The following COL18A1 variants were observed in gnomAD, a reference collection of about 807,000 sequenced individuals.
COL18A1 encodes the protein collagen alpha-1(XVIII) chain.
In COL18A1, 133 loss-of-function variants were observed where a neutral mutation model predicts 168.0. The observed-to-expected ratio is 0.79, with a 90% CI of 0.69 to 0.91. The LOEUF (loss-of-function observed/expected upper bound fraction) is 0.91. COL18A1 is among the 40% of genes least tolerant of loss of function. The pLI, the probability that COL18A1 is intolerant of heterozygous loss-of-function variation, is 0.00. For synonymous variants in COL18A1, 949 were observed against 809.0 expected, an observed-to-expected ratio of 1.17 and a Z score of -2.94; for missense variants, 2,126 against 1,925.4, an observed-to-expected ratio of 1.10 and a Z score of -1.95.
rs746821245 is a variant in COL18A1, at chr21:45,486,980, C to T, written c.1821C>T (p.Leu607=). The T allele has an allele frequency of 6.6e-6, 10 of 1,519,242 alleles. No individual in the cohort carries two copies. The highest frequency in any genetic ancestry group is 1.3e-5 in the South Asian group (1 of 78,562). 94.1% of individuals were successfully genotyped at this position (1,519,242 alleles called of 1,614,324 possible). Residue 607 remains leucine, a synonymous_variant, in exon 16 of 42, where the codon CTC becomes CTT. Transcript: ENST00000651438. ...CCCCTGGGCCCCCAGGACCAGGACT[C>T]CCCGCTGGATTTGTGAGTACCGCCT... ...PGPPGPPGPG[L]PAGFDDMEGS...
chr21:45,416,429 G>C (rs1179309811), intron 2 of COL18A1, among the ~76,000 whole-genome samples: 2 of 151,348 alleles, frequency 1.3e-5, no homozygotes, highest in African/African-American at 4.9e-5. Flanking sequence ...GGACCGCGAG[G>C]CTCCGCACTG....
chr21:45,482,250 A>G, intron 14 of COL18A1: 1 of 625,746 alleles, frequency 1.6e-6, no homozygotes, highest in South Asian at 1.7e-5. Context: ...CACGGGTTTT[A>G]AGAACATGGG....
At chr21:45,424,758 C>T (rs2033734715) in intron 2 of COL18A1, 1 of 152,290 alleles carries the variant, frequency 6.6e-6, no homozygotes, top group African/African-American at 2.4e-5. Flanking sequence ...CACTGACCCT[C>T]CCTCAGTCCT....
chr21:45,437,546 G>GCA (rs764007220), intron 2 of COL18A1, among the ~76,000 whole-genome samples: 2 of 34,004 alleles, frequency 5.9e-5, no homozygotes, highest in Admixed American at 2.8e-4. Flanking sequence ...GCACTCTCCT[G>GCA]CACACACACA....
chr21:45,441,073 C>A (rs1388900234), intron 2 of COL18A1, among the ~76,000 whole-genome samples: 1 of 152,230 alleles, frequency 6.6e-6, no homozygotes, highest in Non-Finnish European at 1.5e-5. Flanking sequence ...CCGCTCCAAG[C>A]TCTGCCCACC....
Position 45,504,426 on chromosome 21 carries a change from G to A in COL18A1, c.2738G>A (p.Gly913Glu). 6.2e-7 allele frequency: 1 copy of A among 1,611,754 alleles called. No individual in the cohort carries two copies. Among genetic ancestry groups the A allele is most frequent in the Non-Finnish European group, 8.5e-7 (1 of 1,179,416 alleles). Reference protein sequence around the residue: ...QLEAEMKGEKGDRGDAGQKGE... With the variant: ...QLEAEMKGEKEDRGDAGQKGE... ...TGTTTCCGTCCACAGGGGGAGAAGG[G>A]AGACCGAGGTGATGCAGGACAGAAA... is the stretch of plus-strand genomic sequence containing the variant. Residue 913 changes from glycine (G) to glutamate (E), a missense_variant, in exon 34 of 42, where the codon GGA becomes GAA. By Grantham distance (98) the Gly-to-Glu change is moderately conservative. Transcript: ENST00000651438.
chr21:45,456,217 C>G (rs2034805632), intron 2 of COL18A1: 2 of 1,606,868 alleles, frequency 1.2e-6, no homozygotes, highest in South Asian at 1.1e-5. Context: ...GGGCCCCTCC[C>G]TGGGGAAGCC....
chr21:45,460,134 G>C (rs2034993270), intron 2 of COL18A1, among the ~76,000 whole-genome samples: 2 of 152,232 alleles, frequency 1.3e-5, no homozygotes, highest in Non-Finnish European at 2.9e-5. Flanking sequence ...GAGCCTGGAG[G>C]AGGGCCCAGC....
rs774779029 is a variant in COL18A1, at chr21:45,509,456, G to A, written c.3350G>A (p.Arg1117Gln). The A allele has an allele frequency of 4.2e-5, 65 of 1,533,874 alleles. No individual in the cohort carries two copies. Among genetic ancestry groups the A allele is most frequent in the East Asian group, 1.2e-4 (5 of 41,032 alleles). Reference sequence around the variant, plus strand: ...CCCCACCCCACCGCGCGGCCCTGGCGGGCAGATGACATCCTGGCCAGCCCC... The same window carrying A: ...CCCCACCCCACCGCGCGGCCCTGGCAGGCAGATGACATCCTGGCCAGCCCC... ...EHPHPTARPW[R>Q]ADDILASPPR... The change falls in exon 39 of 42, where the codon CGG becomes CAG. Residue 1117 changes from arginine to glutamine, a missense_variant. Transcript: ENST00000651438.
chr21:45,434,273 C>A (rs1168190756), intron 2 of COL18A1, among the ~76,000 whole-genome samples: 1 of 152,156 alleles, frequency 6.6e-6, no homozygotes, highest in Non-Finnish European at 1.5e-5. Flanking sequence ...CCAGAGGGTG[C>A]AGGGCCACAG....
chr21:45,505,982 G>C lies in COL18A1; in HGVS notation c.3216+16G>C. The C allele has an allele frequency of 6.2e-7, 1 of 1,612,962 alleles. No homozygotes were observed. Among genetic ancestry groups the C allele is most frequent in the Non-Finnish European group, 8.5e-7 (1 of 1,179,924 alleles). ...GAAGGTCCAGGTGAGCGCTCTGTGT[G>C]ACGGGTTCTGGACCCGTGGAAGGGC... On this transcript the variant is annotated intron_variant, in intron 37 of 41. Coordinates refer to ENST00000651438, the MANE Select transcript of COL18A1 (RefSeq NM_001379500.1).
chr21:45,456,943 G>A (rs938017377), intron 2 of COL18A1: 42 of 1,294,192 alleles, frequency 3.2e-5, no homozygotes, highest in South Asian at 5.2e-5. Context: ...AAGTGTGGGC[G>A]GGGCTGACGT....
chr21:45,452,449 C>T (rs377160918), intron 2 of COL18A1, among the ~76,000 whole-genome samples: 3 of 151,062 alleles, frequency 2.0e-5, no homozygotes, highest in South Asian at 2.1e-4. Flanking sequence ...TGAGTACTCA[C>T]GTGTGACATG....
intron 2 of COL18A1, among the ~76,000 whole-genome samples, chr21:45,426,489 C>T (rs1236773841): frequency 2.0e-5 from 3 of 152,214 alleles, no homozygotes; most frequent in Non-Finnish European, 2.9e-5. Flanking sequence ...ACACCCTCCT[C>T]GCCGAGATGG....
At chr21:45,496,673 TC>T in intron 30 of COL18A1, 105 bp downstream of exon 30, 1 of 765,698 alleles carries the variant, frequency 1.3e-6, no homozygotes, top group Non-Finnish European at 2.4e-6. Context: ...CGTCTGGGGG[TC>T]CTTCTAGGAT....
rs531902131 is a variant in COL18A1, at chr21:45,493,371, C to T, written c.2278-130C>T. 40 of 1,272,992 alleles carry T rather than the reference C, an allele frequency of 3.1e-5. 1 individual carries two copies. Among genetic ancestry groups the T allele is most frequent in the Admixed American group, 5.9e-5 (3 of 50,662 alleles). The allele number at this position is 1,272,992 out of a possible 1,614,324, so 78.9% of individuals were successfully genotyped here. Reference sequence around the variant, plus strand: ...GGGTACATCCCTGCTCGGGCCGTCCCTGTGGTCACCTCCCGTGAAAGGACC... The same window carrying T: ...GGGTACATCCCTGCTCGGGCCGTCCTTGTGGTCACCTCCCGTGAAAGGACC... On this transcript the variant is annotated intron_variant, in intron 25 of 41. Coordinates refer to ENST00000651438, the MANE Select transcript of COL18A1 (RefSeq NM_001379500.1).
intron 2 of COL18A1, among the ~76,000 whole-genome samples, chr21:45,430,495 TCTG>T (rs941791664): frequency 6.6e-6 from 1 of 151,998 alleles, no homozygotes; most frequent in African/African-American, 2.4e-5. Flanking sequence ...ATCCTGGGCT[TCTG>T]CTCCAGCTGT....
chr21:45,475,452 C>A, intron 4 of COL18A1, 24 bp from the exon 5 acceptor site: 1 of 1,581,720 alleles, frequency 6.3e-7, no homozygotes, highest in East Asian at 2.3e-5. Context: ...ATCTCTCCAG[C>A]CTTTCCCTTT....
intron 2 of COL18A1, chr21:45,467,533 C>A: frequency 2.6e-6 from 2 of 769,054 alleles, no homozygotes; most frequent in Non-Finnish European, 3.2e-6. Flanking sequence ...CCTGGCCCAG[C>A]AGGTGAGCCG....
Sources: gnomAD v4.1 joint callset for allele counts (sites outside exome capture counted in the v4.1 genomes callset) on GRCh38, gnomAD v4.1.1 for gene constraint, MANE v1.5 for transcripts, NCBI Gene and HGNC (gene_info 2026-07-23, HGNC 2026-07-21) for gene names.